GPHN: variants seen among roughly 807,000 people sequenced by gnomAD.
GPHN encodes the protein gephyrin.
A neutral mutation model predicts 95.5 loss-of-function variants in GPHN; 17 were observed. That is an observed-to-expected ratio of 0.18 (90% CI 0.12 to 0.27). The LOEUF (loss-of-function observed/expected upper bound fraction) is 0.27, where lower values mean the gene tolerates loss of function less well. Ranked by LOEUF, GPHN falls within the 10% of genes least tolerant of loss-of-function variation. The pLI, the probability that GPHN is intolerant of heterozygous loss-of-function variation, is 1.00. For missense variants in GPHN, 660 were observed against 978.1 expected (o/e 0.67, Z 4.34); for synonymous variants, 320 against 322.5 (o/e 0.99, Z 0.08).
At chr14:67,345,786 C>T in the GPHN span, 9 of 1,613,506 alleles carry the variant, frequency 5.6e-6, no homozygotes, top group Non-Finnish European at 6.8e-6. Flanking sequence ...AAGCTAGTTC[C>T]ACCAGTAGTT....
chr14:67,478,472 C>T, the GPHN span, among the ~76,000 whole-genome samples: 44 of 152,354 alleles, frequency 2.9e-4, no homozygotes, highest in South Asian at 2.1e-3. Flanking sequence ...CCAGCTTTGC[C>T]TTCTTCCTTC....
At chr14:66,575,244 T>C (rs527590520) in intron 1 of GPHN, among the ~76,000 whole-genome samples, 2 of 152,278 alleles carry the variant, frequency 1.3e-5, no homozygotes, top group Non-Finnish European at 2.9e-5. Context: ...CTTTCAGCAT[T>C]TTTCAGTATT....
chr14:66,869,101 A>G (rs1029905164), intron 4 of GPHN, among the ~76,000 whole-genome samples: 2 of 152,246 alleles, frequency 1.3e-5, no homozygotes, highest in African/African-American at 4.8e-5. Context: ...AAGGAATAAA[A>G]GAATCTGGTA....
At chr14:66,650,687 T>C (rs1334030929) in intron 1 of GPHN, among the ~76,000 whole-genome samples, 1 of 152,166 alleles carries the variant, frequency 6.6e-6, no homozygotes. Flanking sequence ...TTCAGGAGGA[T>C]ATACATGAGG....
intron 18 of GPHN, among the ~76,000 whole-genome samples, chr14:67,145,359 T>A (rs956215229): frequency 2.0e-5 from 3 of 152,244 alleles, no homozygotes; most frequent in Admixed American, 1.3e-4. Context: ...CTTCTCAACC[T>A]AACCTTCTTT....
At chr14:66,607,811 T>A (rs1403908911) in intron 1 of GPHN, among the ~76,000 whole-genome samples, 1 of 152,050 alleles carries the variant, frequency 6.6e-6, no homozygotes, top group Non-Finnish European at 1.5e-5. Context: ...TCTCTGAGGA[T>A]GTTTTGTATT....
chr14:67,575,891 C>T, the GPHN span: 7 of 1,613,762 alleles, frequency 4.3e-6, no homozygotes, highest in Middle Eastern at 1.6e-4. Context: ...GTGACTCAGA[C>T]GAGGACTATG....
At chr14:67,615,996 A>G in the GPHN span, 4 of 285,456 alleles carry the variant, frequency 1.4e-5, no homozygotes, top group Admixed American at 4.4e-5. Flanking sequence ...TGCAGCCAAA[A>G]AGGGAGTTGT....
rs115711538 is a variant in GPHN at position 66,719,911 on chromosome 14, A to G, written c.143+38726A>G. ...TACTAGTGACCATGTAAATCATAAAACTTTGGAAACAAATTTGCCATTTTC... is the reference window on the plus strand; with the variant it reads ...TACTAGTGACCATGTAAATCATAAAGCTTTGGAAACAAATTTGCCATTTTC... On this transcript the variant is annotated intron_variant, in intron 2 of 22. Transcript: ENST00000478722. 5.5e-3 allele frequency among the ~76,000 whole-genome samples: 831 copies of G among 152,286 alleles called. 3 individuals are homozygous for G. The highest frequency in any genetic ancestry group is 0.019 in the African/African-American group (793 of 41,554).
At chr14:66,922,645 T>A in intron 6 of GPHN, 21 bp from the exon 7 acceptor site, 1 of 1,581,258 alleles carries the variant, frequency 6.3e-7, no homozygotes, top group Non-Finnish European at 8.6e-7. Context: ...CTTAATTTTT[T>A]TTTCTTTCTC....
the GPHN span, among the ~76,000 whole-genome samples, chr14:67,372,684 C>T: frequency 2.6e-5 from 4 of 151,876 alleles, no homozygotes; most frequent in East Asian, 1.9e-4. Context: ...AAAAAATTAG[C>T]GGGCATAGTG....
intron 2 of GPHN, among the ~76,000 whole-genome samples, chr14:66,768,612 G>A (rs2059049760): frequency 6.6e-6 from 1 of 151,866 alleles, no homozygotes. Flanking sequence ...CAAAAACAGA[G>A]TTTCAAAATA....
the GPHN span, among the ~76,000 whole-genome samples, chr14:67,681,329 C>T: frequency 6.6e-6 from 1 of 152,342 alleles, no homozygotes; most frequent in Non-Finnish European, 1.5e-5. Context: ...GTTTAAGCCA[C>T]CCAGTCTGTG....
the GPHN span, among the ~76,000 whole-genome samples, chr14:67,554,957 G>C: frequency 6.6e-6 from 1 of 152,090 alleles, no homozygotes; most frequent in Non-Finnish European, 1.5e-5. Flanking sequence ...GTGTCACCCA[G>C]GCTGGAGTGC....
At chr14:66,820,993 A>C (rs1400958169) in intron 3 of GPHN, among the ~76,000 whole-genome samples, 1 of 152,232 alleles carries the variant, frequency 6.6e-6, no homozygotes, top group Non-Finnish European at 1.5e-5. Context: ...TAATCACTAA[A>C]ATAAACAATG....
chr14:66,537,092 A>AT (rs981115463), intron 1 of GPHN, among the ~76,000 whole-genome samples: 2 of 150,998 alleles, frequency 1.3e-5, no homozygotes, highest in African/African-American at 4.9e-5. Context: ...CCATGGTATG[A>AT]TTTTTTCTTC....
At chr14:67,332,655 T>C in the GPHN span, 10 of 943,874 alleles carry the variant, frequency 1.1e-5, no homozygotes, top group Admixed American at 3.0e-5. Context: ...AAGGAGCTCC[T>C]GAGGTTGGGA....
At position 66,829,182 on chromosome 14, in the gene GPHN, C is replaced by T. The variant is rs113689479; in HGVS notation, c.294+4616C>T. Among the ~76,000 whole-genome samples the T allele has an allele frequency of 1.0e-3, 153 of 150,296 alleles. 1 individual carries two copies. Among genetic ancestry groups the T allele is most frequent in the African/African-American group, 3.6e-3 (147 of 40,858 alleles). The stretch of plus-strand genomic sequence containing the variant: ...AGCTCACTGCAACCTCCACCTTCCA[C>T]GTTCAAGCAATTCCTGTGCCTCAGC... On this transcript the variant is annotated intron_variant, in intron 4 of 22. Coordinates refer to ENST00000478722, the MANE Select transcript of GPHN (RefSeq NM_020806.5).
the GPHN span, chr14:67,221,627 A>T: frequency 7.9e-6 from 5 of 632,948 alleles, no homozygotes; most frequent in African/African-American, 7.9e-5. Flanking sequence ...CATATGTTCT[A>T]TAATCAGCAA....
Sources: allele counts gnomAD v4.1 joint callset (sites outside exome capture counted in the v4.1 genomes callset), GRCh38; gene constraint gnomAD v4.1.1; transcripts MANE v1.5; gene names NCBI Gene and HGNC (gene_info 2026-07-23, HGNC 2026-07-21).